Variants in EXOSC10 observed in about 807,000 individuals in gnomAD.
EXOSC10 encodes exosome complex component 10.
A neutral mutation model predicts 126.6 loss-of-function variants in EXOSC10; 94 were observed. The ratio of observed to expected loss-of-function variants is 0.74; its 90% CI spans 0.63 to 0.88. The LOEUF (loss-of-function observed/expected upper bound fraction) is 0.88, where lower values mean the gene tolerates loss of function less well. Ranked by LOEUF, EXOSC10 falls within the 40% of genes least tolerant of loss-of-function variation. The pLI is 0.00. For synonymous variants in EXOSC10, 395 were observed against 400.8 expected (o/e 0.99, Z 0.17); for missense variants, 1,041 against 1,100.5 (o/e 0.95, Z 0.77).
chr1:11,068,068 T>G lies in EXOSC10; in HGVS notation c.2567A>C (p.Lys856Thr). 1 of 1,614,152 alleles carries G rather than the reference T, an allele frequency of 6.2e-7. No homozygotes were observed. Among genetic ancestry groups the G allele is most frequent in the Non-Finnish European group, 8.5e-7 (1 of 1,180,008 alleles). ...TPSGKKCIAA[K>T]KIKQSVGNKS... is the part of the protein sequence containing the mutation. Reference sequence around the variant, plus strand: ...GTTTCCCACCGACTGTTTAATTTTTTTGGCTGCAATGCATTTCTGAAAAGA... The same window carrying G: ...GTTTCCCACCGACTGTTTAATTTTTGTGGCTGCAATGCATTTCTGAAAAGA... The change falls in exon 24 of 25, where the codon AAA becomes ACA. Residue 856 changes from lysine to threonine, a missense_variant. Physicochemically the swap from Lys to Thr is moderately conservative, Grantham distance 78. This residue lies in a region of EXOSC10 where 388 missense variants were observed against 415.2 expected (regional missense o/e 0.93). Coordinates refer to ENST00000376936, the MANE Select transcript of EXOSC10 (RefSeq NM_001001998.3).
rs749488756 is a variant in EXOSC10 at position 11,072,088 on chromosome 1, T to C, written c.2241A>G (p.Thr747=). 1 of 1,612,468 alleles carries C rather than the reference T, an allele frequency of 6.2e-7. No individual in the cohort carries two copies. The highest frequency in any genetic ancestry group is 8.5e-7 in the Non-Finnish European group (1 of 1,179,158). The change falls in exon 20 of 25, where the codon ACA becomes ACG. Residue 747 remains threonine, a splice_region_variant and synonymous_variant. Coordinates refer to ENST00000376936, the MANE Select transcript of EXOSC10 (RefSeq NM_001001998.3). ...GAGTTGCAAGGAAGTGAGTGTTACC[T>C]GTTTGCTCAGCTGCCTTCTTCTTGA... ...EAVKKKAAEQ[T]AAREQAKEAC... is the part of the protein sequence containing the mutation.
chr1:11,070,758 A>G (rs1639434845), intron 21 of EXOSC10, 142 bp downstream of exon 21: 3 of 703,504 alleles, frequency 4.3e-6, no homozygotes, highest in Non-Finnish European at 7.3e-6. Flanking sequence ...GTAGACACTA[A>G]TAGCCAAGCT....
chr1:11,097,555 T>C (rs1262742500), intron 2 of EXOSC10, among the ~76,000 whole-genome samples: 1 of 151,496 alleles, frequency 6.6e-6, no homozygotes, highest in African/African-American at 2.4e-5. Context: ...TGAAACCCTG[T>C]CTCTACTAAA....
chr1:11,074,315 A>AG lies in EXOSC10; in HGVS notation c.1997dup (p.Glu667Ter), dbSNP rs1557697192. The AG allele has an allele frequency of 1.2e-6, 2 of 1,613,784 alleles. No individual in the cohort carries two copies. The highest frequency in any genetic ancestry group is 1.7e-6 in the Non-Finnish European group (2 of 1,179,684). ...TCAATGGACCCTTTTTACTGTCTTC[A>AG]GCACTAGGTTCCTGCAGGGACAGAC... On this transcript the variant is annotated frameshift_variant, in exon 18 of 25. Transcript: ENST00000376936. LOFTEE classifies it high-confidence loss of function.
intron 9 of EXOSC10, among the ~76,000 whole-genome samples, chr1:11,083,646 CTTTAAG>C (rs1276096613): frequency 1.4e-5 from 2 of 146,974 alleles, no homozygotes; most frequent in Non-Finnish European, 3.0e-5. Flanking sequence ...TATTATTATA[CTTTAAG>C]TTTTAGGGTA....
In EXOSC10 at chr1:11,099,856, C is replaced by G; in HGVS notation, c.-25G>C. The G allele has an allele frequency of 1.3e-6, 2 of 1,577,022 alleles. No homozygotes were observed. The highest frequency in any genetic ancestry group is 1.7e-6 in the Non-Finnish European group (2 of 1,160,952). ...TTTTTTCAGCCTGCACGGCTCGTCT[C>G]GCGAGAGCTTGTCGGCCGAGGAGAC... is the stretch of plus-strand genomic sequence containing the variant. On this transcript the variant is annotated 5_prime_UTR_variant, in exon 1 of 25. Transcript: ENST00000376936.
Position 11,090,609 on chromosome 1 carries a change from G to A in EXOSC10, c.703C>T (p.Pro235Ser). The A allele has an allele frequency of 1.2e-6, 2 of 1,614,116 alleles. No individual in the cohort carries two copies. Among genetic ancestry groups the A allele is most frequent in the South Asian group, 2.2e-5 (2 of 91,080 alleles). ...QDRPEDLDVP[P>S]ALADFIHQQR... ...TGATGGATGAAATCAGCCAGTGCAG[G>A]GGGGACGTCCAAGTCCTCAGGACGA... The change falls in exon 6 of 25, where the codon CCT becomes TCT. Residue 235 changes from proline to serine, a missense_variant. Around this residue, in one of 3 missense-constraint regions of EXOSC10, gnomAD observed 645 missense variants for 656.3 expected, o/e 0.98. Coordinates refer to ENST00000376936, the MANE Select transcript of EXOSC10 (RefSeq NM_001001998.3).
At chr1:11,084,471 G>C (rs958784652) in intron 9 of EXOSC10, among the ~76,000 whole-genome samples, 1 of 152,030 alleles carries the variant, frequency 6.6e-6, no homozygotes, top group African/African-American at 2.4e-5. Flanking sequence ...TTTTTGATGG[G>C]GTTATTTTTT....
rs775044328 is a variant in EXOSC10 at position 11,068,019 on chromosome 1, T to C, written c.2616A>G (p.Gly872=). Residue 872 remains glycine, a synonymous_variant, in exon 24 of 25, where the codon GGA becomes GGG. Transcript: ENST00000376936. ...VGNKSMSFPT[G]KSDRGFRYNW... ...CGTCCACCACATACCTGTCTGACTT[T>C]CCAGTTGGAAAGGACATGCTTTTGT... 2 of 1,614,054 alleles carry C rather than the reference T, an allele frequency of 1.2e-6. No homozygotes were observed. The highest frequency in any genetic ancestry group is 1.7e-6 in the Non-Finnish European group (2 of 1,180,028).
chr1:11,072,465 G>A (rs909267592), intron 19 of EXOSC10: 27 of 289,522 alleles, frequency 9.3e-5, no homozygotes, highest in Non-Finnish European at 1.5e-4. Context: ...TTAGAGATGA[G>A]CAAACAGACT....
At chr1:11,078,337 A>C (rs1269397466) in intron 14 of EXOSC10, among the ~76,000 whole-genome samples, 1 of 150,064 alleles carries the variant, frequency 6.7e-6, no homozygotes, top group Non-Finnish European at 1.5e-5. Context: ...GGCTCACTGC[A>C]AGCTCCGCCT....
chr1:11,087,713 T>A, intron 8 of EXOSC10, 87 bp downstream of exon 8: 1 of 1,465,656 alleles, frequency 6.8e-7, no homozygotes, highest in Non-Finnish European at 9.3e-7. Flanking sequence ...CCAAAAAAAA[T>A]TACAATTAGT....
intron 22 of EXOSC10, among the ~76,000 whole-genome samples, chr1:11,069,238 T>C (rs1639300822): frequency 2.6e-5 from 1 of 38,324 alleles, no homozygotes; most frequent in Non-Finnish European, 1.3e-4. Context: ...TGTGTGTGTG[T>C]GTGTGTGAGA....
intron 1 of EXOSC10, among the ~76,000 whole-genome samples, chr1:11,098,887 T>C (rs1641264226): frequency 6.6e-6 from 1 of 152,184 alleles, no homozygotes; most frequent in Non-Finnish European, 1.5e-5. Flanking sequence ...GAATAAACAT[T>C]TCCCAAGAAA....
At chr1:11,085,175 G>T (rs1640421820) in intron 9 of EXOSC10, among the ~76,000 whole-genome samples, 1 of 152,156 alleles carries the variant, frequency 6.6e-6, no homozygotes, top group African/African-American at 2.4e-5. Flanking sequence ...AAAGTCATTG[G>T]TAGCTTGATG....
intron 5 of EXOSC10, 41 bp from the exon 6 acceptor site, chr1:11,090,709 CAT>C: frequency 7.0e-7 from 1 of 1,422,170 alleles, no homozygotes; most frequent in Non-Finnish European, 9.7e-7. Context: ...TTAGCACATT[CAT>C]GTCTTTTCTA....
At chr1:11,077,086 G>A (rs1305851604) in intron 16 of EXOSC10, 138 bp from the exon 17 acceptor site, 3 of 666,812 alleles carry the variant, frequency 4.5e-6, no homozygotes, top group East Asian at 2.7e-5. Flanking sequence ...CCGCCTCCTC[G>A]GTTCAAGTGA....
chr1:11,068,423 AAC>A (rs2100939006), intron 23 of EXOSC10: 1 of 599,116 alleles, frequency 1.7e-6, no homozygotes, highest in East Asian at 2.8e-5. Flanking sequence ...CATGGTAGCA[AAC>A]ACAGAATAAT....
Position 11,087,474 on chromosome 1 carries a change from T to C in EXOSC10, c.1063A>G (p.Ser355Gly). 1 of 1,614,118 alleles carries C rather than the reference T, an allele frequency of 6.2e-7. No homozygotes were observed. Among genetic ancestry groups the C allele is most frequent in the Non-Finnish European group, 8.5e-7 (1 of 1,180,018 alleles). ...TTAACGATGGCTGGGTCTGTGAGGC[T>C]CTCATTGAGAATGTACATGTCACTT... ...LRSDMYILNE[S>G]LTDPAIVKVF... Residue 355 changes from serine to glycine, a missense_variant, in exon 9 of 25, where the codon AGC becomes GGC. Coordinates refer to ENST00000376936, the MANE Select transcript of EXOSC10 (RefSeq NM_001001998.3).
Sources: gnomAD v4.1 joint callset for allele counts (sites outside exome capture counted in the v4.1 genomes callset) on GRCh38, gnomAD v4.1.1 for gene constraint, gnomAD v4.1.1 regional missense constraint, MANE v1.5 for transcripts, NCBI Gene and HGNC (gene_info 2026-07-23, HGNC 2026-07-21) for gene names.